The following GRID1 variants were observed in gnomAD, a reference collection of about 807,000 sequenced individuals.
GRID1 encodes glutamate ionotropic receptor delta type subunit 1, also known as glutamate receptor ionotropic, delta-1.
Under a neutral mutation model 98.0 loss-of-function variants are expected in GRID1, and 28 were observed. That is an observed-to-expected ratio of 0.29 (90% CI 0.21 to 0.39). The LOEUF is 0.39. Ranked by LOEUF, GRID1 falls within the 10% of genes least tolerant of loss-of-function variation. The pLI is 1.00. For missense variants in GRID1, 1,111 were observed against 1,340.5 expected, an observed-to-expected ratio of 0.83 and a Z score of 2.67; for synonymous variants, 553 against 538.5, an observed-to-expected ratio of 1.03 and a Z score of -0.37.
intron 8 of GRID1, among the ~76,000 whole-genome samples, chr10:85,734,506 T>C (rs1458486745): frequency 6.6e-6 from 1 of 152,194 alleles, no homozygotes; most frequent in East Asian, 1.9e-4. Flanking sequence ...TTTGCTTTAA[T>C]ACAGACTTCT....
chr10:85,919,135 G>A (rs1333711784), intron 4 of GRID1, among the ~76,000 whole-genome samples: 2 of 152,232 alleles, frequency 1.3e-5, no homozygotes, highest in Non-Finnish European at 2.9e-5. Flanking sequence ...GTGCAGGTGA[G>A]AGGTTCTCTG....
At chr10:85,930,828 G>A (rs1379530324) in intron 4 of GRID1, among the ~76,000 whole-genome samples, 1 of 151,918 alleles carries the variant, frequency 6.6e-6, no homozygotes, top group East Asian at 1.9e-4. Context: ...GTATCTTCTA[G>A]TATGGATGTT....
intron 2 of GRID1, among the ~76,000 whole-genome samples, chr10:86,337,489 C>T (rs1030586924): frequency 6.6e-6 from 1 of 152,138 alleles, no homozygotes; most frequent in Non-Finnish European, 1.5e-5. Context: ...AGGCACTGAC[C>T]CTCCCACGTC....
chr10:86,182,394 TC>T (rs1845668748), intron 3 of GRID1, among the ~76,000 whole-genome samples: 1 of 152,190 alleles, frequency 6.6e-6, no homozygotes, highest in African/African-American at 2.4e-5. Context: ...AACAAACTGC[TC>T]CACAGTGAGA....
intron 8 of GRID1, among the ~76,000 whole-genome samples, chr10:85,826,901 G>A (rs1325027564): frequency 6.6e-6 from 1 of 152,132 alleles, no homozygotes; most frequent in Non-Finnish European, 1.5e-5. Flanking sequence ...CCGAAATAAA[G>A]CTAGTTGACT....
intron 8 of GRID1, among the ~76,000 whole-genome samples, chr10:85,755,669 GC>G (rs1262249139): frequency 3.5e-4 from 53 of 152,306 alleles, no homozygotes; most frequent in African/African-American, 1.3e-3. Flanking sequence ...TCACTTCTCA[GC>G]CCTTGAAGTG....
intron 6 of GRID1, among the ~76,000 whole-genome samples, chr10:85,863,621 T>A (rs1210555170): frequency 6.6e-6 from 1 of 152,248 alleles, no homozygotes; most frequent in East Asian, 1.9e-4. Flanking sequence ...ATAATAAGCA[T>A]ATAAACCCCC....
intron 2 of GRID1, among the ~76,000 whole-genome samples, chr10:86,291,600 T>C (rs1257471319): frequency 6.6e-6 from 1 of 152,176 alleles, no homozygotes; most frequent in African/African-American, 2.4e-5. Context: ...CTCCTGAATG[T>C]TGGGCTGCCC....
chr10:85,961,859 G>A (rs1467219912), intron 4 of GRID1, among the ~76,000 whole-genome samples: 1 of 151,458 alleles, frequency 6.6e-6, no homozygotes, highest in Non-Finnish European at 1.5e-5. Context: ...CAAAAAGGAT[G>A]GAAGGAAGAA....
intron 3 of GRID1, among the ~76,000 whole-genome samples, chr10:86,175,798 C>T (rs1490815078): frequency 6.6e-6 from 1 of 152,168 alleles, no homozygotes; most frequent in East Asian, 1.9e-4. Flanking sequence ...CAATCTCCGC[C>T]TCCCGGGTTC....
At chr10:86,161,811 C>T (rs1056431542) in intron 3 of GRID1, among the ~76,000 whole-genome samples, 10 of 152,050 alleles carry the variant, frequency 6.6e-5, no homozygotes, top group African/African-American at 2.2e-4. Flanking sequence ...CTGAAATGGC[C>T]GGAGGTGGAG....
intron 4 of GRID1, among the ~76,000 whole-genome samples, chr10:86,119,596 G>A (rs1413386639): frequency 6.6e-6 from 1 of 152,038 alleles, no homozygotes; most frequent in Non-Finnish European, 1.5e-5. Context: ...CCTCTAAAAT[G>A]TTTCTTCCTC....
chr10:86,016,382 T>C (rs560309526), intron 4 of GRID1, among the ~76,000 whole-genome samples: 1 of 152,142 alleles, frequency 6.6e-6, no homozygotes, highest in African/African-American at 2.4e-5. Context: ...CCATCTCTTA[T>C]AAGAGTAGCA....
At chr10:85,961,502 G>A (rs953253659) in intron 4 of GRID1, among the ~76,000 whole-genome samples, 1 of 151,700 alleles carries the variant, frequency 6.6e-6, no homozygotes. Context: ...ACCAACCACC[G>A]TCTGTCCTCC....
At chr10:86,148,835 C>T (rs551966728) in intron 3 of GRID1, among the ~76,000 whole-genome samples, 1 of 152,254 alleles carries the variant, frequency 6.6e-6, no homozygotes, top group East Asian at 1.9e-4. Context: ...CCTGCTCCCC[C>T]AGGGGTGCAC....
chr10:86,325,366 G>A (rs1848034168), intron 2 of GRID1, among the ~76,000 whole-genome samples: 4 of 152,192 alleles, frequency 2.6e-5, no homozygotes, highest in African/African-American at 9.7e-5. Context: ...GCGGCCAGCA[G>A]GAGGCAGGGC....
At chr10:86,184,271 AT>A (rs1182259294) in intron 3 of GRID1, among the ~76,000 whole-genome samples, 2 of 152,058 alleles carry the variant, frequency 1.3e-5, no homozygotes, top group Non-Finnish European at 2.9e-5. Context: ...TGGCTGATCA[AT>A]TTTTTTATTT....
intron 12 of GRID1, among the ~76,000 whole-genome samples, chr10:85,697,526 A>G (rs745870622): frequency 6.6e-6 from 1 of 152,190 alleles, no homozygotes; most frequent in Non-Finnish European, 1.5e-5. Flanking sequence ...TACATACAGC[A>G]TATTTTTCCC....
At chr10:86,001,859 T>C (rs1250330107) in intron 4 of GRID1, among the ~76,000 whole-genome samples, 1 of 152,112 alleles carries the variant, frequency 6.6e-6, no homozygotes, top group African/African-American at 2.4e-5. Flanking sequence ...AAGTCTGAAG[T>C]CAAGGTGCCA....
Sources: allele counts gnomAD v4.1 joint callset (sites outside exome capture counted in the v4.1 genomes callset), GRCh38; gene constraint gnomAD v4.1.1; transcripts MANE v1.5; gene names NCBI Gene and HGNC (gene_info 2026-07-23, HGNC 2026-07-21).